Variants in AFF4 observed in about 807,000 individuals in gnomAD.
The protein encoded by AFF4 is AF4/FMR2 family member 4.
In AFF4, 13 loss-of-function variants were observed where a neutral mutation model predicts 124.8. The observed-to-expected ratio is 0.10, with a 90% confidence interval of 0.07 to 0.17. The LOEUF (loss-of-function observed/expected upper bound fraction) is 0.17. Among genes scored for constraint, AFF4 ranks in the 10% least tolerant of loss-of-function variants. AFF4 has a pLI of 1.00. For synonymous variants in AFF4, 477 were observed against 496.1 expected (o/e 0.96, Z 0.51); for missense variants, 1,092 against 1,403.8 (o/e 0.78, Z 3.55).
Position 132,955,795 on chromosome 5 carries a change from AAT to A in AFF4, c.-5+7462_-5+7463del, listed in dbSNP as rs966690877. 9.3e-3 allele frequency among the ~76,000 whole-genome samples: 1,095 copies of A among 117,482 alleles called. 29 individuals are homozygous for A. The highest frequency in any genetic ancestry group is 0.014 in the Middle Eastern group (3 of 214). The allele number at this position is 117,482 out of a possible 152,430, so 77.1% of individuals were successfully genotyped here. On this transcript the variant is annotated intron_variant, in intron 1 of 20. Transcript: ENST00000265343. The stretch of plus-strand genomic sequence containing the variant: ...TCCATCTCAAAAAAAAAAAAAAAAA[AAT>A]ATATATATATATATATACACACACA...
At chr5:132,949,703 C>A (rs1460478017) in intron 1 of AFF4, among the ~76,000 whole-genome samples, 1 of 148,580 alleles carries the variant, frequency 6.7e-6, no homozygotes, top group Admixed American at 6.7e-5. Flanking sequence ...CACACACACG[C>A]GCGCGCGCGC....
At chr5:132,936,091 C>A (rs1375912524) in intron 2 of AFF4, among the ~76,000 whole-genome samples, 1 of 151,368 alleles carries the variant, frequency 6.6e-6, no homozygotes, top group East Asian at 1.9e-4. Context: ...CATGGTGAAA[C>A]CCTGTCTCTA....
At chr5:132,961,208 C>T (rs1367288640) in intron 1 of AFF4, among the ~76,000 whole-genome samples, 1 of 151,016 alleles carries the variant, frequency 6.6e-6, no homozygotes, top group African/African-American at 2.4e-5. Flanking sequence ...GGTGTGATCT[C>T]GGCTTACTGC....
chr5:132,919,782 A>C (rs1390314010), intron 5 of AFF4, among the ~76,000 whole-genome samples: 10 of 152,066 alleles, frequency 6.6e-5, no homozygotes, highest in African/African-American at 2.4e-4. Flanking sequence ...CCCAGGAGTC[A>C]GATGTTGCAG....
intron 1 of AFF4, among the ~76,000 whole-genome samples, chr5:132,962,804 CTTTT>C (rs35471619): frequency 6.2e-5 from 8 of 129,668 alleles, no homozygotes; most frequent in Admixed American, 2.4e-4. Flanking sequence ...ATTTTTCCTT[CTTTT>C]TTTTTTTTTT....
At chr5:132,931,737 C>T (rs1232567784) in intron 4 of AFF4, among the ~76,000 whole-genome samples, 2 of 152,218 alleles carry the variant, frequency 1.3e-5, no homozygotes, top group Non-Finnish European at 2.9e-5. Context: ...AGGTGGATCA[C>T]CTGAGGTCAG....
chr5:132,884,170 T>TC (rs1202130749), intron 19 of AFF4, among the ~76,000 whole-genome samples: 1 of 152,202 alleles, frequency 6.6e-6, no homozygotes, highest in Admixed American at 6.5e-5. Flanking sequence ...TGTGAAATGT[T>TC]CAAGACTATG....
intron 5 of AFF4, chr5:132,926,883 C>T (rs1368531541): frequency 7.4e-6 from 3 of 404,410 alleles, no homozygotes; most frequent in Non-Finnish European, 1.3e-5. Flanking sequence ...TTAAATCTCT[C>T]TCGCATATTG....
In AFF4 at chr5:132,902,484, C is replaced by G. The variant is rs1377700624; in HGVS notation, c.1091G>C (p.Arg364Thr). The change falls in exon 7 of 21, where the codon AGA becomes ACA. Residue 364 changes from arginine to threonine, a missense_variant. This residue lies in a region of AFF4 where 148 missense variants were observed against 196.3 expected (regional missense o/e 0.75). Transcript: ENST00000265343. Reference sequence around the variant, plus strand: ...ATTTGAAGTTTTAGAAGGATTATATCTTTCTGGAACAAAAAGAATGAAGTG... The same window carrying G: ...ATTTGAAGTTTTAGAAGGATTATATGTTTCTGGAACAAAAAGAATGAAGTG... ...QSNFGTGEQK[R>T]YNPSKTSNGH... is the part of the protein sequence containing the mutation. 4 of 1,607,582 alleles carry G rather than the reference C, an allele frequency of 2.5e-6. No individual in the cohort carries two copies. In the Admixed American group the frequency reaches 6.7e-5, roughly 27 times the overall value.
At chr5:132,955,777 C>CAAAAAAA (rs1214913729) in intron 1 of AFF4, among the ~76,000 whole-genome samples, 1 of 71,284 alleles carries the variant, frequency 1.4e-5, no homozygotes, top group African/African-American at 5.6e-5. Flanking sequence ...GATTCCATCT[C>CAAAAAAA]AAAAAAAAAA....
At chr5:132,885,012 T>C (rs1008520154) in intron 19 of AFF4, 64 bp downstream of exon 19, 6 of 1,210,126 alleles carry the variant, frequency 5.0e-6, no homozygotes, top group African/African-American at 3.1e-5. Flanking sequence ...TTTTTGGAAA[T>C]TGGACCATAC....
chr5:132,958,520 G>T (rs1188003997), intron 1 of AFF4, among the ~76,000 whole-genome samples: 2 of 149,454 alleles, frequency 1.3e-5, no homozygotes, highest in African/African-American at 5.0e-5. Flanking sequence ...AGATTGAAAG[G>T]AAGTAGATCA....
chr5:132,957,886 T>C (rs561217038), intron 1 of AFF4, among the ~76,000 whole-genome samples: 2 of 152,068 alleles, frequency 1.3e-5, no homozygotes, highest in African/African-American at 4.8e-5. Context: ...AACAAACCAA[T>C]TGTATGGGAA....
intron 6 of AFF4, chr5:132,904,073 T>C (rs1471934587): frequency 3.5e-6 from 1 of 284,514 alleles, no homozygotes; most frequent in South Asian, 4.2e-5. Flanking sequence ...CTGTGCAACA[T>C]AGTGAGACCC....
In AFF4 at chr5:132,934,762, G is replaced by A. The variant is rs750484730; in HGVS notation, c.303C>T (p.Gly101=). ...NPNFFEQRHG[G]SHQSSKWTPV... ...GAGTCCATTTGCTACTCTGATGAGA[G>A]CCTCCATGTCTCTGTTCAAAGAAAT... The change falls in exon 3 of 21, where the codon GGC becomes GGT. Residue 101 remains glycine, a synonymous_variant. Transcript: ENST00000265343. 4 of 1,613,974 alleles carry A rather than the reference G, an allele frequency of 2.5e-6. No individual in the cohort carries two copies. The highest frequency in any genetic ancestry group is 3.4e-6 in the Non-Finnish European group (4 of 1,180,026).
At chr5:132,933,813 T>C (rs1382531864) in intron 3 of AFF4, among the ~76,000 whole-genome samples, 1 of 152,208 alleles carries the variant, frequency 6.6e-6, no homozygotes, top group Non-Finnish European at 1.5e-5. Flanking sequence ...AATTTTGTTT[T>C]TAAACAACAA....
At chr5:132,953,394 C>T (rs991982606) in intron 1 of AFF4, among the ~76,000 whole-genome samples, 4 of 151,898 alleles carry the variant, frequency 2.6e-5, no homozygotes, top group African/African-American at 9.7e-5. Flanking sequence ...ATGCATGACA[C>T]CACACCTGGG....
At chr5:132,910,392 A>T (rs1490364702) in intron 5 of AFF4, among the ~76,000 whole-genome samples, 1 of 152,176 alleles carries the variant, frequency 6.6e-6, no homozygotes, top group Non-Finnish European at 1.5e-5. Context: ...ATCAACCCAC[A>T]TCTTGCTAGC....
intron 2 of AFF4, among the ~76,000 whole-genome samples, chr5:132,936,033 T>A (rs1761420666): frequency 1.3e-5 from 2 of 151,790 alleles, no homozygotes; most frequent in Non-Finnish European, 2.9e-5. Flanking sequence ...TTTGGGAGGC[T>A]GAGGCGGGCG....
Sources: gnomAD v4.1 joint callset for allele counts (sites outside exome capture counted in the v4.1 genomes callset) on GRCh38, gnomAD v4.1.1 for gene constraint, gnomAD v4.1.1 regional missense constraint, MANE v1.5 for transcripts, NCBI Gene and HGNC (gene_info 2026-07-23, HGNC 2026-07-21) for gene names.